Variants in FAM135B observed in about 807,000 individuals in gnomAD.
FAM135B encodes the protein family with sequence similarity 135 member B, also known as protein FAM135B.
FAM135B carries 43 observed loss-of-function variants against 127.7 expected under a neutral mutation model. The observed-to-expected ratio is 0.34, with a 90% CI of 0.26 to 0.43. The LOEUF is 0.43. Among genes scored for constraint, FAM135B ranks in the 20% least tolerant of loss-of-function variants. The pLI, the probability that FAM135B is intolerant of heterozygous loss-of-function variation, is 1.00. For synonymous variants in FAM135B, 670 were observed against 665.1 expected, an observed-to-expected ratio of 1.01 and a Z score of -0.11; for missense variants, 1,558 against 1,725.6, an observed-to-expected ratio of 0.90 and a Z score of 1.72.
intron 2 of FAM135B, among the ~76,000 whole-genome samples, chr8:138,319,357 T>G (rs2130935654): frequency 6.6e-6 from 1 of 152,308 alleles, no homozygotes; most frequent in African/African-American, 2.4e-5. Flanking sequence ...TCTCCCTGCC[T>G]TGGCCTCCCA....
At chr8:138,313,649 G>C (rs1826858748) in intron 2 of FAM135B, among the ~76,000 whole-genome samples, 1 of 149,950 alleles carries the variant, frequency 6.7e-6, no homozygotes, top group Non-Finnish European at 1.5e-5. Flanking sequence ...GATTACAGGT[G>C]TGAGGCACTG....
chr8:138,214,702 C>T (rs929591551), intron 7 of FAM135B, among the ~76,000 whole-genome samples: 4 of 151,686 alleles, frequency 2.6e-5, no homozygotes, highest in African/African-American at 4.8e-5. Flanking sequence ...AAACCTACTG[C>T]GGAAGGGAAA....
At chr8:138,179,425 T>TAG (rs1382480059) in intron 9 of FAM135B, among the ~76,000 whole-genome samples, 1 of 152,162 alleles carries the variant, frequency 6.6e-6, no homozygotes. Flanking sequence ...TACCCTTTGG[T>TAG]AGAGTTACTG....
At chr8:138,457,745 G>A (rs1021596582) in intron 1 of FAM135B, among the ~76,000 whole-genome samples, 1 of 152,176 alleles carries the variant, frequency 6.6e-6, no homozygotes, top group Non-Finnish European at 1.5e-5. Flanking sequence ...GCTGAGGCAG[G>A]CTAATCGGAT....
chr8:138,175,051 A>G (rs1269425852), intron 11 of FAM135B, among the ~76,000 whole-genome samples: 2 of 152,352 alleles, frequency 1.3e-5, no homozygotes, highest in South Asian at 4.1e-4. Context: ...AATTAGATAT[A>G]AGAAGTTCAG....
At chr8:138,420,845 A>G (rs548911974) in intron 1 of FAM135B, among the ~76,000 whole-genome samples, 1 of 152,338 alleles carries the variant, frequency 6.6e-6, no homozygotes, top group African/African-American at 2.4e-5. Context: ...GCATACCTCA[A>G]AATAACAAGA....
At chr8:138,180,145 A>T (rs1322886273) in intron 9 of FAM135B, among the ~76,000 whole-genome samples, 4 of 152,160 alleles carry the variant, frequency 2.6e-5, no homozygotes, top group African/African-American at 9.7e-5. Flanking sequence ...CGAATTCTGG[A>T]GAGGTGAGAA....
chr8:138,430,917 T>C (rs956070591), intron 1 of FAM135B, among the ~76,000 whole-genome samples: 1 of 152,136 alleles, frequency 6.6e-6, no homozygotes, highest in African/African-American at 2.4e-5. Flanking sequence ...ATCCCTAAAA[T>C]GGGAATACCA....
At chr8:138,338,674 A>C (rs1004923919) in intron 2 of FAM135B, among the ~76,000 whole-genome samples, 5 of 151,886 alleles carry the variant, frequency 3.3e-5, no homozygotes, top group Non-Finnish European at 7.4e-5. Flanking sequence ...ACTGTAAACT[A>C]GTTCAACCAT....
intron 1 of FAM135B, among the ~76,000 whole-genome samples, chr8:138,393,400 C>A: frequency 6.6e-6 from 1 of 151,550 alleles, no homozygotes; most frequent in Non-Finnish European, 1.5e-5. Flanking sequence ...CTTTAACATG[C>A]TGGCATTTAT....
rs1814915906 is a variant in FAM135B, at chr8:138,484,613, A to G, written c.-20+12058T>C. On this transcript the variant is annotated intron_variant, in intron 1 of 19. Coordinates refer to ENST00000395297, the MANE Select transcript of FAM135B (RefSeq NM_015912.4). The stretch of plus-strand genomic sequence containing the variant: ...AGTCTACAGCTCATAGTAGGGGCTT[A>G]GAAAGAGCTTCCTTTTCCTCTCACG... 2.0e-5 allele frequency among the ~76,000 whole-genome samples: 3 copies of G among 152,182 alleles called. No individual in the cohort carries two copies. The South Asian group carries it at 6.2e-4, about 32-fold the overall frequency.
chr8:138,462,263 G>C (rs1308464002), intron 1 of FAM135B, among the ~76,000 whole-genome samples: 1 of 151,986 alleles, frequency 6.6e-6, no homozygotes, highest in Non-Finnish European at 1.5e-5. Flanking sequence ...ATATACCAAA[G>C]GCCATTTGGG....
intron 9 of FAM135B, among the ~76,000 whole-genome samples, chr8:138,192,646 G>A (rs1024144561): frequency 6.6e-6 from 1 of 152,096 alleles, no homozygotes; most frequent in African/African-American, 2.4e-5. Flanking sequence ...CAGCGCAAGA[G>A]GACAGTTGGA....
At chr8:138,322,294 G>A (rs1393890150) in intron 2 of FAM135B, among the ~76,000 whole-genome samples, 1 of 152,098 alleles carries the variant, frequency 6.6e-6, no homozygotes, top group African/African-American at 2.4e-5. Flanking sequence ...TGACAAGTGT[G>A]GTGCCTACTT....
chr8:138,160,628 G>C (rs536406144), intron 12 of FAM135B, among the ~76,000 whole-genome samples: 1 of 151,164 alleles, frequency 6.6e-6, no homozygotes, highest in Non-Finnish European at 1.5e-5. Flanking sequence ...GAACTCCTGA[G>C]CTCAGGCAAT....
In FAM135B at chr8:138,242,890, C is replaced by G. The variant is rs2130379828; in HGVS notation, c.669+52G>C. 1.9e-6 allele frequency: 3 copies of G among 1,581,468 alleles called. No homozygotes were observed. The highest frequency in any genetic ancestry group is 2.3e-5 in the East Asian group (1 of 44,374). On this transcript the variant is annotated intron_variant, in intron 7 of 19. Transcript: ENST00000395297. The surrounding 1 kb of genome is among the most constrained non-coding windows in gnomAD (Gnocchi z 9.6). Reference sequence around the variant, plus strand: ...GCATGAATCTCATAGAACATACACTCTGCAAAGTAAAGTTTGAAAGTTTTG... The same window carrying G: ...GCATGAATCTCATAGAACATACACTGTGCAAAGTAAAGTTTGAAAGTTTTG...
At chr8:138,259,690 C>G (rs77786984) in intron 4 of FAM135B, among the ~76,000 whole-genome samples, 1 of 152,080 alleles carries the variant, frequency 6.6e-6, no homozygotes, top group Non-Finnish European at 1.5e-5. Context: ...CTACGACTTC[C>G]GGGTGGTATG....
intron 1 of FAM135B, among the ~76,000 whole-genome samples, chr8:138,449,311 G>A (rs1269527962): frequency 6.6e-6 from 1 of 152,156 alleles, no homozygotes; most frequent in Non-Finnish European, 1.5e-5. Context: ...GCCATAAAGG[G>A]ATTGAGGCTG....
intron 1 of FAM135B, among the ~76,000 whole-genome samples, chr8:138,376,153 G>T (rs1831458689): frequency 1.3e-5 from 2 of 152,076 alleles, no homozygotes; most frequent in Non-Finnish European, 2.9e-5. Flanking sequence ...GTGTTGGCCA[G>T]GCTGGTCTCG....
Sources: allele counts gnomAD v4.1 joint callset (sites outside exome capture counted in the v4.1 genomes callset), GRCh38; gene constraint gnomAD v4.1.1; non-coding constraint Gnocchi (gnomAD v3.1); transcripts MANE v1.5; gene names NCBI Gene and HGNC (gene_info 2026-07-23, HGNC 2026-07-21).